GDAP1: variants seen among roughly 807,000 people sequenced by gnomAD.
GDAP1 encodes the protein ganglioside-induced differentiation-associated protein 1.
A neutral mutation model predicts 40.1 loss-of-function variants in GDAP1; 34 were observed. The ratio of observed to expected loss-of-function variants is 0.85; its 90% confidence interval spans 0.64 to 1.13. The LOEUF is 1.13. GDAP1 is among the 50% of genes most tolerant of loss of function. The pLI is 0.00. For missense variants in GDAP1, 374 were observed against 433.7 expected (o/e 0.86, Z 1.22); for synonymous variants, 170 against 157.4 (o/e 1.08, Z -0.60).
intron 2 of GDAP1, among the ~76,000 whole-genome samples, chr8:74,373,480 G>T: frequency 6.6e-6 from 1 of 152,118 alleles, no homozygotes; most frequent in Non-Finnish European, 1.5e-5. Context: ...CACATCCCTT[G>T]TAAATTGGAT....
At chr8:74,396,751 A>G (rs528645207) in intron 2 of GDAP1, among the ~76,000 whole-genome samples, 1 of 152,126 alleles carries the variant, frequency 6.6e-6, no homozygotes, top group Non-Finnish European at 1.5e-5. Context: ...AATCCAGTCT[A>G]TCATTGTTGG....
downstream of GDAP1, among the ~76,000 whole-genome samples, chr8:74,368,496 G>T (rs1368854632): frequency 6.6e-6 from 1 of 152,158 alleles, no homozygotes; most frequent in Non-Finnish European, 1.5e-5. Context: ...AGCAGAAGTG[G>T]TTACATTGTA....
chr8:74,402,769 C>G lies in GDAP1; in HGVS notation c.165+51448C>G, dbSNP rs1463852170. On this transcript the variant is annotated intron_variant, in intron 2 of 2. Coordinates refer to the GDAP1 transcript ENST00000523640. ...TTTTACTTTAAATATAAACAAATGA[C>G]TTTTTTGCATATACAAAAAATCTTA... Among the ~76,000 whole-genome samples, 6 of 150,358 alleles carry G rather than the reference C, an allele frequency of 4.0e-5. 2 individuals are homozygous for G. Among genetic ancestry groups the G allele is most frequent in the African/African-American group, 1.5e-4 (6 of 39,666 alleles).
At chr8:74,432,260 A>G (rs1346376451) in intron 2 of GDAP1, among the ~76,000 whole-genome samples, 7 of 152,036 alleles carry the variant, frequency 4.6e-5, no homozygotes, top group Non-Finnish European at 8.8e-5. Flanking sequence ...TCCTCAAGGT[A>G]TTTTACCCTT....
At chr8:74,419,913 C>G (rs986367144) in intron 2 of GDAP1, among the ~76,000 whole-genome samples, 6 of 152,128 alleles carry the variant, frequency 3.9e-5, no homozygotes, top group Middle Eastern at 3.2e-3. Context: ...TTGAAGAGAC[C>G]ATTTTCCCCA....
intron 2 of GDAP1, among the ~76,000 whole-genome samples, chr8:74,432,628 C>G (rs1456584306): frequency 6.6e-6 from 1 of 152,152 alleles, no homozygotes; most frequent in African/African-American, 2.4e-5. Context: ...TCCTGTGCTT[C>G]CATGAATGGC....
chr8:74,428,891 T>A (rs1257529417), intron 2 of GDAP1, among the ~76,000 whole-genome samples: 1 of 103,084 alleles, frequency 9.7e-6, no homozygotes, highest in Admixed American at 1.4e-4. Flanking sequence ...CAGGCCCCGG[T>A]GTGTGATGTT....
intron 2 of GDAP1, among the ~76,000 whole-genome samples, chr8:74,432,025 A>G (rs1297563112): frequency 6.6e-6 from 1 of 152,226 alleles, no homozygotes; most frequent in African/African-American, 2.4e-5. Flanking sequence ...GTAAGCAACA[A>G]TAAATTTTAG....
intron 2 of GDAP1, among the ~76,000 whole-genome samples, chr8:74,487,883 G>A (rs1806795453): frequency 6.6e-6 from 1 of 152,114 alleles, no homozygotes; most frequent in Non-Finnish European, 1.5e-5. Flanking sequence ...TGAAAGACAT[G>A]CTTGCCTAGG....
intron 2 of GDAP1, among the ~76,000 whole-genome samples, chr8:74,488,202 CTTTG>C (rs1806799162): frequency 6.6e-6 from 1 of 152,144 alleles, no homozygotes; most frequent in Non-Finnish European, 1.5e-5. Flanking sequence ...CATTCCTCTA[CTTTG>C]ATCCACAGGC....
chr8:74,401,842 A>G (rs953869854), intron 2 of GDAP1, among the ~76,000 whole-genome samples: 1 of 150,004 alleles, frequency 6.7e-6, no homozygotes, highest in Non-Finnish European at 1.5e-5. Flanking sequence ...TTGCCTGGGT[A>G]TCAGCAGCGG....
At chr8:74,400,667 G>C (rs1219950463) in intron 2 of GDAP1, among the ~76,000 whole-genome samples, 1 of 149,670 alleles carries the variant, frequency 6.7e-6, no homozygotes, top group Non-Finnish European at 1.5e-5. Context: ...TTACAATTTG[G>C]CATGATTTTG....
intron 2 of GDAP1, among the ~76,000 whole-genome samples, chr8:74,384,057 T>C (rs1451638427): frequency 1.3e-5 from 2 of 152,306 alleles, no homozygotes; most frequent in East Asian, 3.9e-4. Context: ...CAGGAACTTC[T>C]TATTTGGAAT....
chr8:74,395,138 G>A (rs1157984137), intron 2 of GDAP1, among the ~76,000 whole-genome samples: 2 of 152,148 alleles, frequency 1.3e-5, no homozygotes, highest in Non-Finnish European at 2.9e-5. Flanking sequence ...TGAACAAATT[G>A]TGGAAGATAT....
intron 2 of GDAP1, among the ~76,000 whole-genome samples, chr8:74,352,393 CA>C (rs1808915869): frequency 7.3e-6 from 1 of 136,506 alleles, no homozygotes. Flanking sequence ...TTTCATCTGC[CA>C]CCAGTTATGT....
chr8:74,478,244 G>T (rs1434896393), intron 2 of GDAP1, among the ~76,000 whole-genome samples: 1 of 152,134 alleles, frequency 6.6e-6, no homozygotes, highest in African/African-American at 2.4e-5. Flanking sequence ...ACATGGTCAG[G>T]TGCACGTGCA....
chr8:74,421,547 C>A (rs1042147000), intron 2 of GDAP1, among the ~76,000 whole-genome samples: 2 of 152,086 alleles, frequency 1.3e-5, no homozygotes, highest in African/African-American at 4.8e-5. Context: ...AAGATTCTTG[C>A]CTGGGAGTGA....
At chr8:74,438,385 A>G (rs1215489628) in intron 2 of GDAP1, among the ~76,000 whole-genome samples, 1 of 152,210 alleles carries the variant, frequency 6.6e-6, no homozygotes, top group Admixed American at 6.5e-5. Context: ...TCAGCTGTGT[A>G]TGAGAATTTG....
At chr8:74,474,334 A>G (rs1806598597) in intron 2 of GDAP1, among the ~76,000 whole-genome samples, 1 of 152,072 alleles carries the variant, frequency 6.6e-6, no homozygotes, top group Non-Finnish European at 1.5e-5. Flanking sequence ...ACCATGTTGA[A>G]TAGGAGTGGT....
Sources: allele counts gnomAD v4.1 joint callset (sites outside exome capture counted in the v4.1 genomes callset), GRCh38; gene constraint gnomAD v4.1.1; transcripts MANE v1.5; gene names NCBI Gene and HGNC (gene_info 2026-07-23, HGNC 2026-07-21).